NHSL1: variants seen among roughly 807,000 people sequenced by gnomAD.
NHSL1 encodes NHS-like protein 1.
NHSL1 carries 48 observed loss-of-function variants against 95.0 expected under a neutral mutation model. The observed-to-expected ratio is 0.51, with a 90% confidence interval of 0.40 to 0.64. NHSL1 has a LOEUF of 0.64. Among genes scored for constraint, NHSL1 ranks in the 30% least tolerant of loss-of-function variants. The probability of loss-of-function intolerance (pLI) is 0.00; values close to 1 mark genes in which losing one functional copy is unlikely to be tolerated. For synonymous variants in NHSL1, 783 were observed against 833.9 expected, an observed-to-expected ratio of 0.94 and a Z score of 1.05; for missense variants, 1,971 against 2,077.7, an observed-to-expected ratio of 0.95 and a Z score of 1.00.
At chr6:138,498,098 A>T (rs1780461642) in intron 1 of NHSL1, among the ~76,000 whole-genome samples, 2 of 152,230 alleles carry the variant, frequency 1.3e-5, no homozygotes, top group South Asian at 4.1e-4. Flanking sequence ...TTTCAGAAGA[A>T]TCTAGCATTG....
chr6:138,440,382 A>AGAC (rs1465184055), intron 5 of NHSL1, among the ~76,000 whole-genome samples: 1 of 152,184 alleles, frequency 6.6e-6, no homozygotes, highest in Non-Finnish European at 1.5e-5. Flanking sequence ...AGGTGCCTGG[A>AGAC]GACCTCAGGT....
At position 138,430,157 on chromosome 6, in the gene NHSL1, A is replaced by T. The variant is rs73573205; in HGVS notation, c.3952+236T>A. ...TTTAATACCCAGCCTGCTGCAGATCATCTCCATCCCCCTATTTTCTGCCAT... is the reference window on the plus strand; with the variant it reads ...TTTAATACCCAGCCTGCTGCAGATCTTCTCCATCCCCCTATTTTCTGCCAT... On this transcript the variant is annotated intron_variant, in intron 6 of 7. Coordinates refer to ENST00000343505, the MANE Select transcript of NHSL1 (RefSeq NM_001144060.2). The surrounding 1 kb of genome is among the most constrained non-coding windows in gnomAD (Gnocchi z 4.7). Among the ~76,000 whole-genome samples the T allele has an allele frequency of 0.033, 4,950 of 152,242 alleles. 265 individuals carry two copies. Among genetic ancestry groups the T allele is most frequent in the African/African-American group, 0.11 (4,453 of 41,514 alleles).
intron 2 of NHSL1, among the ~76,000 whole-genome samples, chr6:138,475,431 T>G (rs1432235128): frequency 6.6e-6 from 1 of 152,004 alleles, no homozygotes; most frequent in Admixed American, 6.6e-5. Context: ...ACTCACTATG[T>G]TACCTAGGCT....
At chr6:138,606,114 TCA>T (rs1290700418) in intron 1 of NHSL1, among the ~76,000 whole-genome samples, 1 of 152,158 alleles carries the variant, frequency 6.6e-6, no homozygotes, top group African/African-American at 2.4e-5. Flanking sequence ...TCCTGCATTC[TCA>T]CAGCCCCCTG....
intron 1 of NHSL1, among the ~76,000 whole-genome samples, chr6:138,651,518 T>C (rs1583466630): frequency 6.6e-6 from 1 of 152,234 alleles, no homozygotes; most frequent in African/African-American, 2.4e-5. Context: ...AGAAATCACC[T>C]AACCCTAACC....
chr6:138,590,573 A>G (rs1017170640), intron 1 of NHSL1, among the ~76,000 whole-genome samples: 1 of 152,094 alleles, frequency 6.6e-6, no homozygotes, highest in East Asian at 1.9e-4. Context: ...CTGCCTCATG[A>G]AACCCAAGCT....
chr6:138,659,046 C>CTTTT (rs771033274), intron 1 of NHSL1, among the ~76,000 whole-genome samples: 14 of 117,818 alleles, frequency 1.2e-4, no homozygotes, highest in East Asian at 2.5e-4. Context: ...TGTGGACTAT[C>CTTTT]TTTTTTTTTT....
In NHSL1 at chr6:138,544,983, C is replaced by CTTTTTTTTTTT. The variant is rs35979187; in HGVS notation, c.16+629_16+639dup. Among the ~76,000 whole-genome samples, 41 of 83,388 alleles carry CTTTTTTTTTTT rather than the reference C, an allele frequency of 4.9e-4. 1 individual carries two copies. The highest frequency in any genetic ancestry group is 8.1e-4 in the Non-Finnish European group (35 of 43,272). The allele number at this position is 83,388 out of a possible 152,430, so 54.7% of individuals were successfully genotyped here. On this transcript the variant is annotated intron_variant, in intron 1 of 4. Coordinates refer to the NHSL1 transcript ENST00000342260. ...GAACAAGAAGTATGTTCTTTCTTTT[C>CTTTTTTTTTTT]TTTTTTTTTTTTTTTTTTTTTTTTG...
chr6:138,453,559 T>G (rs947312511), intron 3 of NHSL1, among the ~76,000 whole-genome samples: 2 of 151,964 alleles, frequency 1.3e-5, no homozygotes, highest in East Asian at 3.9e-4. Context: ...GTATTATTAT[T>G]TTTTTGAGAC....
chr6:138,486,483 T>C (rs1338942421), intron 2 of NHSL1, among the ~76,000 whole-genome samples: 5 of 152,122 alleles, frequency 3.3e-5, no homozygotes, highest in Non-Finnish European at 7.4e-5. Flanking sequence ...GTGAGCGCCA[T>C]GATGACTGCC....
upstream of NHSL1, among the ~76,000 whole-genome samples, chr6:138,547,777 C>G (rs1782858260): frequency 6.6e-6 from 1 of 152,200 alleles, no homozygotes; most frequent in African/African-American, 2.4e-5. Flanking sequence ...CAAACAAGAT[C>G]AAAACCAGAC....
chr6:138,456,025 C>G (rs375676531), intron 3 of NHSL1, among the ~76,000 whole-genome samples: 1 of 152,168 alleles, frequency 6.6e-6, no homozygotes, highest in African/African-American at 2.4e-5. Context: ...CTAGTCTGTG[C>G]CAGGCACTGT....
upstream of NHSL1, among the ~76,000 whole-genome samples, chr6:138,546,427 CAAAAAAAAAAAAAAAAA>C (rs1177720465): frequency 6.5e-3 from 332 of 51,006 alleles, 1 homozygote; most frequent in Middle Eastern, 0.02. Context: ...CCCATCTCTA[CAAAAAAAAAAAAAAAAA>C]AAAAAAAAAA....
At chr6:138,632,634 G>A (rs890551696) in intron 1 of NHSL1, among the ~76,000 whole-genome samples, 2 of 152,190 alleles carry the variant, frequency 1.3e-5, no homozygotes, top group Non-Finnish European at 2.9e-5. Flanking sequence ...CTACGAGTCT[G>A]AAAGAACCAC....
At position 138,511,027 on chromosome 6, in the gene NHSL1, T is replaced by G. The variant is rs143708717; in HGVS notation, c.17-14656A>C. 3.8e-3 allele frequency among the ~76,000 whole-genome samples: 574 copies of G among 152,246 alleles called. 7 individuals carry two copies. Among genetic ancestry groups the G allele is most frequent in the African/African-American group, 0.013 (556 of 41,544 alleles). ...TGCATTGATTGCAGATCCCACATAA[T>G]TTGGCCCACACAGAATCTGAGAAAA... is the stretch of plus-strand genomic sequence containing the variant. On this transcript the variant is annotated intron_variant, in intron 1 of 4. Transcript: ENST00000342260.
At chr6:138,490,854 T>A (rs573028685) in intron 2 of NHSL1, among the ~76,000 whole-genome samples, 3 of 152,164 alleles carry the variant, frequency 2.0e-5, no homozygotes, top group Admixed American at 1.3e-4. Flanking sequence ...GGATGGTATC[T>A]ATCTCCTGAC....
intron 1 of NHSL1, among the ~76,000 whole-genome samples, chr6:138,509,075 C>T (rs1267165585): frequency 4.6e-5 from 7 of 152,012 alleles, no homozygotes; most frequent in Non-Finnish European, 8.8e-5. Context: ...CTTGGCCTTT[C>T]CCAATTCAGT....
intron 1 of NHSL1, among the ~76,000 whole-genome samples, chr6:138,627,062 T>C (rs1174383628): frequency 6.6e-6 from 1 of 152,214 alleles, no homozygotes; most frequent in African/African-American, 2.4e-5. Flanking sequence ...CATTTCTTTC[T>C]ATTCTAAGGG....
At chr6:138,493,193 T>C (rs1333487448) in intron 2 of NHSL1, among the ~76,000 whole-genome samples, 1 of 152,236 alleles carries the variant, frequency 6.6e-6, no homozygotes, top group East Asian at 1.9e-4. Flanking sequence ...GTCTATAATT[T>C]ATCTAAAATC....
Sources: allele counts gnomAD v4.1 joint callset (sites outside exome capture counted in the v4.1 genomes callset), GRCh38; gene constraint gnomAD v4.1.1; non-coding constraint Gnocchi (gnomAD v3.1); transcripts MANE v1.5; gene names NCBI Gene and HGNC (gene_info 2026-07-23, HGNC 2026-07-21).